HS3ST5: variants seen among roughly 807,000 people sequenced by gnomAD.
The protein encoded by HS3ST5 is heparan sulfate glucosamine 3-O-sulfotransferase 5.
HS3ST5 carries 10 observed loss-of-function variants against 25.4 expected under a neutral mutation model. That is an observed-to-expected ratio of 0.39 (90% confidence interval 0.24 to 0.67). HS3ST5 has a LOEUF of 0.67. HS3ST5 is among the 30% of genes least tolerant of loss of function. HS3ST5 has a pLI of 0.44. For missense variants in HS3ST5, 324 were observed against 420.7 expected (o/e 0.77, Z 2.01); for synonymous variants, 170 against 162.4 (o/e 1.05, Z -0.36).
At chr6:114,085,542 A>G (rs992006048) in intron 3 of HS3ST5, among the ~76,000 whole-genome samples, 3 of 152,208 alleles carry the variant, frequency 2.0e-5, no homozygotes, top group Non-Finnish European at 4.4e-5. Flanking sequence ...TACTGTTTTT[A>G]TGAATGCCTC....
At chr6:114,295,478 G>A (rs1323083482) in intron 1 of HS3ST5, among the ~76,000 whole-genome samples, 1 of 152,158 alleles carries the variant, frequency 6.6e-6, no homozygotes, top group African/African-American at 2.4e-5. Flanking sequence ...ATTTACAGAT[G>A]TATCAGATAG....
At chr6:114,228,160 A>T (rs1333088287) in intron 2 of HS3ST5, among the ~76,000 whole-genome samples, 1 of 152,176 alleles carries the variant, frequency 6.6e-6, no homozygotes, top group Non-Finnish European at 1.5e-5. Flanking sequence ...ATAACTTGTG[A>T]GTGGGTAAAT....
intron 3 of HS3ST5, among the ~76,000 whole-genome samples, chr6:114,139,345 G>A (rs1777787145): frequency 6.6e-6 from 1 of 151,424 alleles, no homozygotes. Context: ...GGAAAAGTCT[G>A]AAGAACTCAG....
chr6:114,196,591 T>TCGTG, intron 2 of HS3ST5, among the ~76,000 whole-genome samples: 1 of 151,760 alleles, frequency 6.6e-6, no homozygotes. Context: ...TCTCCTTCAT[T>TCGTG]ACTTGCCTAA....
intron 3 of HS3ST5, among the ~76,000 whole-genome samples, chr6:114,124,341 T>A (rs779507255): frequency 1.9e-4 from 29 of 152,160 alleles, no homozygotes; most frequent in Admixed American, 3.3e-4. Flanking sequence ...GTGCCAAGGA[T>A]GCATTTTGGC....
At chr6:114,218,375 T>G (rs1352989118) in intron 2 of HS3ST5, among the ~76,000 whole-genome samples, 4 of 152,230 alleles carry the variant, frequency 2.6e-5, no homozygotes, top group Admixed American at 2.6e-4. Flanking sequence ...TGGAAAAGAA[T>G]GTTTTCATTT....
chr6:114,184,799 T>A (rs907211593), intron 2 of HS3ST5, among the ~76,000 whole-genome samples: 2 of 152,064 alleles, frequency 1.3e-5, no homozygotes, highest in African/African-American at 2.4e-5. Context: ...GAGGGCAGAG[T>A]ATAGAGCTAA....
chr6:114,297,171 C>T (rs1049843742), intron 1 of HS3ST5, among the ~76,000 whole-genome samples: 1 of 151,974 alleles, frequency 6.6e-6, no homozygotes, highest in Non-Finnish European at 1.5e-5. Flanking sequence ...CACAGCAGAG[C>T]TAGACATTTA....
chr6:114,250,124 G>C (rs7752509), intron 1 of HS3ST5, among the ~76,000 whole-genome samples: 1 of 152,144 alleles, frequency 6.6e-6, no homozygotes, highest in Non-Finnish European at 1.5e-5. Flanking sequence ...AAAGTACTTA[G>C]AGGGATTAAA....
chr6:114,151,970 G>A (rs1434611453), intron 3 of HS3ST5, among the ~76,000 whole-genome samples: 3 of 151,594 alleles, frequency 2.0e-5, no homozygotes, highest in African/African-American at 7.3e-5. Context: ...AGGGTCTGTC[G>A]CCTAGGCTGG....
At chr6:114,120,452 A>G (rs1776735536) in intron 3 of HS3ST5, among the ~76,000 whole-genome samples, 1 of 152,214 alleles carries the variant, frequency 6.6e-6, no homozygotes, top group South Asian at 2.1e-4. Context: ...TGCCTTTCAT[A>G]TCTAACTTTG....
intron 3 of HS3ST5, among the ~76,000 whole-genome samples, chr6:114,122,019 G>A (rs528860911): frequency 9.2e-5 from 14 of 152,240 alleles, no homozygotes; most frequent in African/African-American, 3.4e-4. Context: ...CCCTTGCTTC[G>A]CTCCTTGTCG....
intron 2 of HS3ST5, among the ~76,000 whole-genome samples, chr6:114,177,616 C>T (rs1484663444): frequency 1.3e-5 from 2 of 152,182 alleles, no homozygotes; most frequent in Non-Finnish European, 2.9e-5. Flanking sequence ...AGAATAAAAA[C>T]AAACACTGAG....
At chr6:114,169,510 G>C (rs1208190962) in intron 2 of HS3ST5, among the ~76,000 whole-genome samples, 1 of 152,066 alleles carries the variant, frequency 6.6e-6, no homozygotes, top group Admixed American at 6.6e-5. Flanking sequence ...CAGAGAGAGA[G>C]TAGAAAAAAA....
intron 2 of HS3ST5, among the ~76,000 whole-genome samples, chr6:114,204,433 A>T (rs1308924947): frequency 1.3e-5 from 2 of 152,174 alleles, no homozygotes; most frequent in Non-Finnish European, 2.9e-5. Context: ...TTTCTTCCTT[A>T]CTAAGTCACA....
chr6:114,097,889 A>T (rs1326474828), intron 3 of HS3ST5, among the ~76,000 whole-genome samples: 1 of 152,012 alleles, frequency 6.6e-6, no homozygotes, highest in Admixed American at 6.6e-5. Flanking sequence ...GAGTAGTGAA[A>T]AATTTTGTGG....
At chr6:114,209,188 C>T (rs976601933) in intron 2 of HS3ST5, among the ~76,000 whole-genome samples, 3 of 152,106 alleles carry the variant, frequency 2.0e-5, no homozygotes, top group Non-Finnish European at 4.4e-5. Context: ...GCCAGTGAGA[C>T]TGTACATTCT....
intron 3 of HS3ST5, among the ~76,000 whole-genome samples, chr6:114,092,509 A>G (rs1338462921): frequency 6.6e-6 from 1 of 152,202 alleles, no homozygotes; most frequent in Non-Finnish European, 1.5e-5. Context: ...ATGGATCACA[A>G]GAGGTTAGAG....
intron 2 of HS3ST5, among the ~76,000 whole-genome samples, chr6:114,213,499 C>T (rs1388032439): frequency 6.6e-6 from 1 of 152,034 alleles, no homozygotes; most frequent in Non-Finnish European, 1.5e-5. Flanking sequence ...ATTTCCCTTC[C>T]TCCTGTCTGT....
Sources: gnomAD v4.1 joint callset for allele counts (sites outside exome capture counted in the v4.1 genomes callset) on GRCh38, gnomAD v4.1.1 for gene constraint, MANE v1.5 for transcripts, NCBI Gene and HGNC (gene_info 2026-07-23, HGNC 2026-07-21) for gene names.